Variants in PCDH9 observed in about 807,000 individuals in gnomAD.
PCDH9 encodes the protein protocadherin-9.
A neutral mutation model predicts 70.6 loss-of-function variants in PCDH9; 24 were observed. The ratio of observed to expected loss-of-function variants is 0.34; its 90% CI spans 0.25 to 0.48. The LOEUF (loss-of-function observed/expected upper bound fraction) is 0.48. Among genes scored for constraint, PCDH9 ranks in the 20% least tolerant of loss-of-function variants. The pLI is 0.99. For synonymous variants in PCDH9, 562 were observed against 558.5 expected (o/e 1.01, Z -0.09); for missense variants, 1,281 against 1,503.6 (o/e 0.85, Z 2.45).
chr13:66,740,473 C>CA (rs1383748008), intron 3 of PCDH9, among the ~76,000 whole-genome samples: 2 of 125,398 alleles, frequency 1.6e-5, no homozygotes, highest in Admixed American at 8.6e-5. Context: ...TAGCAGAAGG[C>CA]AAGAAATAAC....
At chr13:67,171,299 G>A (rs752941590) in intron 2 of PCDH9, among the ~76,000 whole-genome samples, 12 of 152,074 alleles carry the variant, frequency 7.9e-5, no homozygotes, top group Non-Finnish European at 1.0e-4. Flanking sequence ...TATATGAGTC[G>A]GGGTAGAATT....
intron 4 of PCDH9, among the ~76,000 whole-genome samples, chr13:66,470,212 GTA>G (rs1226384146): frequency 6.6e-6 from 1 of 151,924 alleles, no homozygotes; most frequent in Non-Finnish European, 1.5e-5. Context: ...ACATCTGTAG[GTA>G]TATATATAGA....
At chr13:66,423,091 TCC>T (rs150056178) in intron 4 of PCDH9, among the ~76,000 whole-genome samples, 1,958 of 152,072 alleles carry the variant, frequency 0.013, 32 homozygotes, top group African/African-American at 0.044. Flanking sequence ...ACATACACCC[TCC>T]CAAGAATAAA....
chr13:66,386,918 C>A (rs1483225078), intron 4 of PCDH9, among the ~76,000 whole-genome samples: 2 of 152,148 alleles, frequency 1.3e-5, no homozygotes, highest in East Asian at 3.9e-4. Context: ...GATAGTTATA[C>A]TTGTATTTTA....
At chr13:66,322,053 T>TG (rs369636458) in intron 4 of PCDH9, among the ~76,000 whole-genome samples, 37,764 of 151,166 alleles carry the variant, frequency 0.25, 4,859 homozygotes, top group East Asian at 0.35. Flanking sequence ...TTTGGATGCA[T>TG]GGGGGGGGTG....
chr13:66,587,297 CAAACAAAACA>C (rs542611312), intron 4 of PCDH9, among the ~76,000 whole-genome samples: 17 of 151,604 alleles, frequency 1.1e-4, no homozygotes, highest in Admixed American at 7.2e-4. Flanking sequence ...GACCCTGTCT[CAAACAAAACA>C]AAACAAAACA....
chr13:67,140,031 C>CA (rs1555311538), intron 2 of PCDH9, among the ~76,000 whole-genome samples: 2 of 114,524 alleles, frequency 1.7e-5, no homozygotes, highest in African/African-American at 3.3e-5. Context: ...GATCACCCCC[C>CA]CCCCCCCGCC....
At chr13:66,870,704 G>A (rs1269722503) in intron 3 of PCDH9, among the ~76,000 whole-genome samples, 2 of 152,128 alleles carry the variant, frequency 1.3e-5, no homozygotes, top group Non-Finnish European at 2.9e-5. Flanking sequence ...TCTCACACCA[G>A]TTAGAATGGC....
At chr13:66,646,515 A>T (rs1476833791) in intron 3 of PCDH9, among the ~76,000 whole-genome samples, 1 of 152,228 alleles carries the variant, frequency 6.6e-6, no homozygotes, top group African/African-American at 2.4e-5. Flanking sequence ...ACAACCATGT[A>T]CATAATCAGA....
chr13:67,174,350 C>T (rs555446031), intron 2 of PCDH9, among the ~76,000 whole-genome samples: 80 of 151,918 alleles, frequency 5.3e-4, no homozygotes, highest in African/African-American at 1.7e-3. Flanking sequence ...TACATACAGA[C>T]GAAGGGAGGG....
chr13:66,662,053 G>A (rs1657436558), intron 3 of PCDH9, among the ~76,000 whole-genome samples: 1 of 151,966 alleles, frequency 6.6e-6, no homozygotes, highest in African/African-American at 2.4e-5. Flanking sequence ...GTGTGTGTGT[G>A]TGTGTGTGTA....
intron 2 of PCDH9, among the ~76,000 whole-genome samples, chr13:67,118,930 T>C (rs1298294843): frequency 6.6e-6 from 1 of 152,278 alleles, no homozygotes; most frequent in East Asian, 1.9e-4. Flanking sequence ...AAAAAAGCTA[T>C]ATGACCTGGC....
intron 2 of PCDH9, chr13:67,214,935 G>GGTATATATATATATATATATATAT (rs1235937594): frequency 1.1e-5 from 1 of 89,248 alleles, no homozygotes. Flanking sequence ...TTGCGAGCCA[G>GGTATATATATATATATATATATAT]ATATATATAT....
rs754198935 is a variant in PCDH9 at position 67,226,771 on chromosome 13, G to A, written c.1670C>T (p.Ala557Val). ...CTCATCCAGAACAGTAACAATCACA[G>A]CCGCTTGGCTTTGGAGGGGAGGGGT... ...NGTPPLQSQA[A>V]VIVTVLDEND... Residue 557 changes from alanine (A) to valine (V), a missense_variant, in exon 2 of 5, where the codon GCT becomes GTT. By Grantham distance (64) the Ala-to-Val change is moderately conservative (BLOSUM62 0). Around this residue, in one of 4 missense-constraint regions of PCDH9, gnomAD observed 798 missense variants for 1,003.1 expected, o/e 0.80. Transcript: ENST00000377865. This position sits in a 1 kb window ranked among gnomAD's most constrained non-coding sequence, Gnocchi z 5.0. 3 of 1,614,004 alleles carry A rather than the reference G, an allele frequency of 1.9e-6. No homozygotes were observed. The South Asian group carries it at 3.3e-5, about 18-fold the overall frequency.
chr13:66,448,908 C>G (rs1266676434), intron 4 of PCDH9, among the ~76,000 whole-genome samples: 1 of 152,122 alleles, frequency 6.6e-6, no homozygotes, highest in Non-Finnish European at 1.5e-5. Flanking sequence ...AAATGGTGAT[C>G]ATGCAAACTT....
rs753995213 is a variant in PCDH9 at position 67,154,575 on chromosome 13, C to CAAAA, written c.3036+70826_3036+70829dup. Among the ~76,000 whole-genome samples the CAAAA allele has an allele frequency of 4.2e-3, 158 of 37,242 alleles. 3 individuals are homozygous for CAAAA. Among genetic ancestry groups the CAAAA allele is most frequent in the African/African-American group, 8.0e-3 (79 of 9,880 alleles). 24.4% of individuals were successfully genotyped at this position (37,242 alleles called of 152,430 possible). ...AGGGAAACAGACGGAGACCCTGTCT[C>CAAAA]AAAAAAAAAAAAAAAAAAAAATATA... On this transcript the variant is annotated intron_variant, in intron 2 of 4. Coordinates refer to ENST00000377865, the MANE Select transcript of PCDH9 (RefSeq NM_203487.3).
rs374271672 is a variant in PCDH9, at chr13:67,067,612, A to T, written c.3036+157793T>A. ...ATTTTATTTTTTAAATACTTTTTTTAAAAAGTTTTTAAAAAATCACCAAAG... is the reference window on the plus strand; with the variant it reads ...ATTTTATTTTTTAAATACTTTTTTTTAAAAGTTTTTAAAAAATCACCAAAG... On this transcript the variant is annotated intron_variant, in intron 2 of 4. Transcript: ENST00000377865. 9.2e-5 allele frequency among the ~76,000 whole-genome samples: 13 copies of T among 141,652 alleles called. No homozygotes were observed. The East Asian group carries it at 1.1e-3, about 12-fold the overall frequency. The allele number at this position is 141,652 out of a possible 152,430, so 92.9% of individuals were successfully genotyped here.
intron 2 of PCDH9, among the ~76,000 whole-genome samples, chr13:67,052,214 T>C (rs182732197): frequency 5.3e-5 from 8 of 152,134 alleles, no homozygotes; most frequent in Admixed American, 4.6e-4. Flanking sequence ...GAGTACAGTA[T>C]ATATAGCCAG....
At chr13:66,365,002 T>C (rs1956530132) in intron 4 of PCDH9, among the ~76,000 whole-genome samples, 1 of 152,206 alleles carries the variant, frequency 6.6e-6, no homozygotes, top group Non-Finnish European at 1.5e-5. Context: ...TCAGAAAGGA[T>C]GGCTGCGTCC....
Sources: allele counts gnomAD v4.1 joint callset (sites outside exome capture counted in the v4.1 genomes callset), GRCh38; gene constraint gnomAD v4.1.1; regional missense constraint gnomAD v4.1.1; non-coding constraint Gnocchi (gnomAD v3.1); transcripts MANE v1.5; gene names NCBI Gene and HGNC (gene_info 2026-07-23, HGNC 2026-07-21).